The following USP12 variants were observed in gnomAD, a reference collection of about 807,000 sequenced individuals.
USP12 encodes the protein ubiquitin specific peptidase 12.
A neutral mutation model predicts 45.5 loss-of-function variants in USP12; 19 were observed. That is an observed-to-expected ratio of 0.42 (90% CI 0.29 to 0.61). USP12 has a LOEUF of 0.61. USP12 is among the 20% of genes least tolerant of loss of function. The probability of loss-of-function intolerance (pLI) is 0.22; values close to 1 mark genes in which losing one functional copy is unlikely to be tolerated. For missense variants in USP12, 242 were observed against 447.7 expected, an observed-to-expected ratio of 0.54 and a Z score of 4.15; for synonymous variants, 149 against 148.8, an observed-to-expected ratio of 1.00 and a Z score of -0.01.
chr13:27,086,607 G>A (rs1274064412), intron 6 of USP12, among the ~76,000 whole-genome samples: 1 of 151,902 alleles, frequency 6.6e-6, no homozygotes, highest in Non-Finnish European at 1.5e-5. Context: ...CAAAGAGCTC[G>A]ATTTTACAGA....
intron 3 of USP12, among the ~76,000 whole-genome samples, chr13:27,105,293 T>C (rs1478027837): frequency 6.6e-6 from 1 of 152,196 alleles, no homozygotes. Context: ...TTTTTAGGTT[T>C]TGATTTTTCA....
chr13:27,122,085 T>TAC, intron 1 of USP12, among the ~76,000 whole-genome samples: 1 of 149,604 alleles, frequency 6.7e-6, no homozygotes, highest in East Asian at 2.0e-4. Context: ...ATCCCAGCAC[T>TAC]TTGGGGAGGC....
At chr13:27,073,070 G>A (rs1238881580) in intron 7 of USP12, among the ~76,000 whole-genome samples, 1 of 152,200 alleles carries the variant, frequency 6.6e-6, no homozygotes, top group Non-Finnish European at 1.5e-5. Context: ...AGCAATGCAC[G>A]TCTAGTATTT....
chr13:27,080,345 G>C (rs144581363), intron 6 of USP12, among the ~76,000 whole-genome samples: 224 of 152,314 alleles, frequency 1.5e-3, no homozygotes, highest in African/African-American at 5.1e-3. Context: ...CTGGCTACAG[G>C]GGAATAAGAT....
At chr13:27,104,969 G>A (rs894912580) in intron 3 of USP12, among the ~76,000 whole-genome samples, 2 of 152,100 alleles carry the variant, frequency 1.3e-5, no homozygotes, top group Non-Finnish European at 2.9e-5. Context: ...AATTTTTGAG[G>A]CAGTGTCCCA....
At position 27,136,466 on chromosome 13, in the gene USP12, C is replaced by G. The variant is rs575372178; in HGVS notation, c.49-19870G>C. Among the ~76,000 whole-genome samples, 6 of 152,306 alleles carry G rather than the reference C, an allele frequency of 3.9e-5. No individual in the cohort carries two copies. In the East Asian group the frequency reaches 9.6e-4, roughly 24 times the overall value. ...GGAACCAAGATCATGCCACTGCACT[C>G]CAGTCTGGGCAACAAGAATGAAAGC... On this transcript the variant is annotated intron_variant, in intron 1 of 8. Coordinates refer to ENST00000282344, the MANE Select transcript of USP12 (RefSeq NM_182488.4).
chr13:27,111,813 A>G (rs1379106044), intron 2 of USP12, among the ~76,000 whole-genome samples: 1 of 152,208 alleles, frequency 6.6e-6, no homozygotes, highest in East Asian at 1.9e-4. Context: ...GAGAGCAATG[A>G]GATTGAGTAT....
chr13:27,151,689 GGAGGATGACTTGAGACCAGGAGT>G (rs1184567834), intron 1 of USP12, among the ~76,000 whole-genome samples: 4 of 152,092 alleles, frequency 2.6e-5, no homozygotes, highest in African/African-American at 9.7e-5. Flanking sequence ...GGCTGAGGTG[GGAGGATGACTTGAGACCAGGAGT>G]TGCAAGGGAT....
intron 6 of USP12, among the ~76,000 whole-genome samples, chr13:27,081,725 G>A (rs1873768379): frequency 6.6e-6 from 1 of 152,144 alleles, no homozygotes; most frequent in Admixed American, 6.5e-5. Context: ...AATAACAATT[G>A]AAAGTCAAAA....
intron 3 of USP12, among the ~76,000 whole-genome samples, chr13:27,102,092 C>T (rs1398659939): frequency 6.6e-6 from 1 of 152,096 alleles, no homozygotes; most frequent in Non-Finnish European, 1.5e-5. Context: ...AGTAGATCTG[C>T]CCCCAAACAA....
At chr13:27,070,616 C>T (rs1371686304) in intron 8 of USP12, among the ~76,000 whole-genome samples, 3 of 151,014 alleles carry the variant, frequency 2.0e-5, no homozygotes, top group Non-Finnish European at 2.9e-5. Flanking sequence ...TGCAATGGCA[C>T]GATCTCGGCT....
chr13:27,134,274 A>G (rs915974706), intron 1 of USP12, among the ~76,000 whole-genome samples: 6 of 152,272 alleles, frequency 3.9e-5, no homozygotes, highest in African/African-American at 1.4e-4. Flanking sequence ...AAGGTAGCAT[A>G]AAAGAAAGCG....
At chr13:27,121,633 A>C (rs1875993806) in intron 1 of USP12, among the ~76,000 whole-genome samples, 1 of 151,802 alleles carries the variant, frequency 6.6e-6, no homozygotes, top group African/African-American at 2.4e-5. Flanking sequence ...AGGCCGAGGC[A>C]GGTGGATCAC....
At chr13:27,126,095 C>T (rs1022993159) in intron 1 of USP12, among the ~76,000 whole-genome samples, 3 of 152,244 alleles carry the variant, frequency 2.0e-5, no homozygotes, top group Non-Finnish European at 4.4e-5. Flanking sequence ...AACGTCCCTG[C>T]CTGACAGGTC....
At chr13:27,096,955 T>G (rs1874608713) in intron 3 of USP12, among the ~76,000 whole-genome samples, 1 of 152,102 alleles carries the variant, frequency 6.6e-6, no homozygotes, top group South Asian at 2.1e-4. Flanking sequence ...CAGATATGAC[T>G]ACATAAAATT....
chr13:27,094,813 C>T (rs745441220), intron 4 of USP12, among the ~76,000 whole-genome samples: 1 of 151,902 alleles, frequency 6.6e-6, no homozygotes, highest in Non-Finnish European at 1.5e-5. Flanking sequence ...GCAATGTCCC[C>T]CTCTAAATTG....
intron 6 of USP12, among the ~76,000 whole-genome samples, chr13:27,076,314 C>T (rs534579823): frequency 5.8e-4 from 88 of 152,290 alleles, no homozygotes; most frequent in African/African-American, 2.0e-3. Flanking sequence ...GAAACACAGG[C>T]TGTTCTTCAT....
intron 6 of USP12, among the ~76,000 whole-genome samples, chr13:27,078,483 T>C (rs1291999188): frequency 7.2e-5 from 11 of 152,066 alleles, no homozygotes; most frequent in African/African-American, 1.9e-4. Flanking sequence ...ACTGCATCCA[T>C]GTTGTATTCT....
Position 27,117,729 on chromosome 13 carries a change from C to G in USP12, c.49-1133G>C, listed in dbSNP as rs202216441. On this transcript the variant is annotated intron_variant, in intron 1 of 8. Coordinates refer to ENST00000282344, the MANE Select transcript of USP12 (RefSeq NM_182488.4). ...ATGGACCATGGAATTGGGAATGGGG[C>G]AAAGGAGAAAAAACAAAATTCAAGA... 2.9e-3 allele frequency: 1,523 copies of G among 518,002 alleles called. 10 individuals are homozygous for G. Among genetic ancestry groups the G allele is most frequent in the Non-Finnish European group, 2.7e-3 (703 of 259,630 alleles). The allele number at this position is 518,002 out of a possible 1,614,324, so 32.1% of individuals were successfully genotyped here.
Sources: gnomAD v4.1 joint callset for allele counts (sites outside exome capture counted in the v4.1 genomes callset) on GRCh38, gnomAD v4.1.1 for gene constraint, MANE v1.5 for transcripts, NCBI Gene and HGNC (gene_info 2026-07-23, HGNC 2026-07-21) for gene names.